Variants in CSMD1 observed in about 807,000 individuals in gnomAD.
CSMD1 encodes CUB and Sushi multiple domains 1.
Under a neutral mutation model 417.5 loss-of-function variants are expected in CSMD1, and 213 were observed. The ratio of observed to expected loss-of-function variants is 0.51; its 90% confidence interval spans 0.46 to 0.57. The LOEUF is 0.57. Ranked by LOEUF, CSMD1 falls within the 20% of genes least tolerant of loss-of-function variation. CSMD1 has a pLI of 0.00. For missense variants in CSMD1, 6,923 were observed against 4,529.7 expected, an observed-to-expected ratio of 1.53 and a Z score of -15.17; for synonymous variants, 2,862 against 1,736.8, an observed-to-expected ratio of 1.65 and a Z score of -16.11.
chr8:3,113,373 T>C (rs892282397), intron 42 of CSMD1: 11 of 152,290 alleles, frequency 7.2e-5, no homozygotes, highest in Admixed American at 7.2e-4. Context: ...TACCCGGATG[T>C]TCACGTGGGA....
At position 2,973,017 on chromosome 8, in the gene CSMD1, T is replaced by A. The variant is rs540207774; in HGVS notation, c.8923+100A>T. The A allele has an allele frequency of 4.3e-6, 5 of 1,164,262 alleles. No homozygotes were observed. The South Asian group carries it at 7.8e-5, about 18-fold the overall frequency. 72.1% of individuals were successfully genotyped at this position (1,164,262 alleles called of 1,614,324 possible). On this transcript the variant is annotated intron_variant, in intron 57 of 69. Coordinates refer to ENST00000635120, the MANE Select transcript of CSMD1 (RefSeq NM_033225.6). ...GGAAAAGATTTAATTGTATAAATAG[T>A]ACAAACCTCTAGAATTTTTGTAGAA...
intron 12 of CSMD1, among the ~76,000 whole-genome samples, chr8:3,432,693 T>C (rs1814293713): frequency 6.6e-6 from 1 of 152,056 alleles, no homozygotes; most frequent in Non-Finnish European, 1.5e-5. Flanking sequence ...TTTTTGTATT[T>C]TTAGTACAGA....
intron 1 of CSMD1, chr8:4,787,547 A>G: frequency 7.0e-7 from 1 of 1,418,784 alleles, no homozygotes. Context: ...TGCCTTCACC[A>G]GAAAATGTGG....
intron 7 of CSMD1, among the ~76,000 whole-genome samples, chr8:3,639,279 T>C (rs901011522): frequency 1.3e-5 from 2 of 152,344 alleles, no homozygotes; most frequent in East Asian, 1.9e-4. Context: ...ATTTGAATAA[T>C]ATACTTTATT....
chr8:4,083,371 G>C (rs1349002021), intron 3 of CSMD1, among the ~76,000 whole-genome samples: 1 of 152,074 alleles, frequency 6.6e-6, no homozygotes, highest in African/African-American at 2.4e-5. Flanking sequence ...GCCAGTGATG[G>C]TGAGCATTTT....
At chr8:4,049,750 G>C (rs538371838) in intron 3 of CSMD1, among the ~76,000 whole-genome samples, 1 of 152,220 alleles carries the variant, frequency 6.6e-6, no homozygotes, top group South Asian at 2.1e-4. Context: ...AAAAATAGTA[G>C]AGAATCTCCA....
chr8:3,543,734 G>T (rs1355536665), intron 10 of CSMD1, among the ~76,000 whole-genome samples: 1 of 152,206 alleles, frequency 6.6e-6, no homozygotes, highest in East Asian at 1.9e-4. Context: ...GACATGCTGT[G>T]TTTGAGATGT....
chr8:4,229,386 C>G (rs1311003192), intron 3 of CSMD1, among the ~76,000 whole-genome samples: 2 of 152,194 alleles, frequency 1.3e-5, no homozygotes, highest in African/African-American at 2.4e-5. Context: ...CCCTAAGATT[C>G]TCTTAGATCA....
intron 2 of CSMD1, among the ~76,000 whole-genome samples, chr8:4,535,137 T>C (rs1254803390): frequency 1.3e-5 from 2 of 152,338 alleles, no homozygotes; most frequent in East Asian, 1.9e-4. Context: ...ATCTCCCATA[T>C]ATAACAACTT....
At chr8:4,438,185 A>T (rs188316918) in intron 2 of CSMD1, among the ~76,000 whole-genome samples, 1 of 152,150 alleles carries the variant, frequency 6.6e-6, no homozygotes, top group Non-Finnish European at 1.5e-5. Context: ...AAAAACTCAT[A>T]AACATTGAGA....
chr8:3,053,432 TTTTA>T, intron 49 of CSMD1, among the ~76,000 whole-genome samples: 1 of 152,208 alleles, frequency 6.6e-6, no homozygotes, highest in South Asian at 2.1e-4. Flanking sequence ...AGTCTTCCCT[TTTTA>T]TTGTTCCTCT....
intron 3 of CSMD1, among the ~76,000 whole-genome samples, chr8:4,326,159 G>C (rs144949185): frequency 7.9e-5 from 12 of 152,162 alleles, no homozygotes; most frequent in Admixed American, 7.2e-4. Flanking sequence ...AGTTGTGCCA[G>C]AGAATTTGGC....
chr8:4,218,919 A>C (rs1425771606), intron 3 of CSMD1, among the ~76,000 whole-genome samples: 1 of 152,004 alleles, frequency 6.6e-6, no homozygotes, highest in African/African-American at 2.4e-5. Context: ...TTGGATCTGA[A>C]CCCTTGGGGT....
At chr8:4,186,453 G>A (rs1048094185) in intron 3 of CSMD1, among the ~76,000 whole-genome samples, 1 of 152,056 alleles carries the variant, frequency 6.6e-6, no homozygotes, top group East Asian at 1.9e-4. Flanking sequence ...TTTCCACCTT[G>A]TAAAATAAGG....
At chr8:4,631,612 G>A (rs1357562558) in intron 2 of CSMD1, among the ~76,000 whole-genome samples, 1 of 152,070 alleles carries the variant, frequency 6.6e-6, no homozygotes, top group Non-Finnish European at 1.5e-5. Flanking sequence ...TTGTCATGGT[G>A]TGTAACCTAA....
chr8:3,809,531 T>C (rs1327373107), intron 5 of CSMD1, among the ~76,000 whole-genome samples: 2 of 152,126 alleles, frequency 1.3e-5, no homozygotes, highest in African/African-American at 4.8e-5. Flanking sequence ...AATTAGTGGG[T>C]TCTCAAACAT....
In CSMD1 at chr8:3,476,782, G is replaced by C. The variant is rs544927481; in HGVS notation, c.1449-7958C>G. 4.6e-5 allele frequency among the ~76,000 whole-genome samples: 7 copies of C among 152,086 alleles called. No homozygotes were observed. The East Asian group carries it at 1.2e-3, about 25-fold the overall frequency. ...AAAATATGAACATTAGCCAGGCTTG[G>C]TGGCAGACATCTGTAATCCCAGCTA... is the stretch of plus-strand genomic sequence containing the variant. On this transcript the variant is annotated intron_variant, in intron 11 of 69. Coordinates refer to ENST00000635120, the MANE Select transcript of CSMD1 (RefSeq NM_033225.6).
At chr8:4,332,443 G>T (rs1288320139) in intron 3 of CSMD1, among the ~76,000 whole-genome samples, 2 of 151,960 alleles carry the variant, frequency 1.3e-5, no homozygotes, top group Non-Finnish European at 1.5e-5. Context: ...GCACTGAGTA[G>T]GTAAAAACAG....
At chr8:4,927,490 G>C (rs1011136293) in intron 1 of CSMD1, among the ~76,000 whole-genome samples, 1 of 152,176 alleles carries the variant, frequency 6.6e-6, no homozygotes, top group Admixed American at 6.5e-5. Context: ...TTGCTTTGTA[G>C]CTTAGCTCTG....
Sources: allele counts gnomAD v4.1 joint callset (sites outside exome capture counted in the v4.1 genomes callset), GRCh38; gene constraint gnomAD v4.1.1; transcripts MANE v1.5; gene names NCBI Gene and HGNC (gene_info 2026-07-23, HGNC 2026-07-21).